Variants in NAV3 observed in about 807,000 individuals in gnomAD.
NAV3 encodes neuron navigator 3, also known as pore membrane and/or filament interacting like protein 1.
NAV3 carries 87 observed loss-of-function variants against 244.7 expected under a neutral mutation model. The observed-to-expected ratio is 0.36, with a 90% CI of 0.30 to 0.42. NAV3 has a LOEUF of 0.42. Ranked by LOEUF, NAV3 falls within the 20% of genes least tolerant of loss-of-function variation. The pLI, the probability that NAV3 is intolerant of heterozygous loss-of-function variation, is 1.00. For missense variants in NAV3, 2,663 were observed against 2,893.3 expected (o/e 0.92, Z 1.83); for synonymous variants, 1,126 against 1,042.2 (o/e 1.08, Z -1.55).
intron 5 of NAV3, among the ~76,000 whole-genome samples, chr12:77,973,992 C>T: frequency 6.6e-6 from 1 of 151,940 alleles, no homozygotes; most frequent in East Asian, 1.9e-4. Context: ...AGAAGTTATT[C>T]TTAACTGACT....
intron 24 of NAV3, 128 bp downstream of exon 24, chr12:78,168,994 TGTATTAATACATACTAGTA>T (rs1239527727): frequency 3.5e-6 from 2 of 572,626 alleles, no homozygotes; most frequent in South Asian, 2.6e-5. Flanking sequence ...TATTAATAGT[TGTATTAATACATACTAGTA>T]GTATTAATAC....
intron 38 of NAV3, 58 bp downstream of exon 38, chr12:78,200,649 A>T (rs1454467279): frequency 1.3e-5 from 14 of 1,049,734 alleles, no homozygotes; most frequent in Non-Finnish European, 1.9e-5. Flanking sequence ...AAAAAAAATT[A>T]CTTTAAAAGC....
chr12:78,200,619 T>C, intron 38 of NAV3, 28 bp downstream of exon 38: 1 of 1,269,622 alleles, frequency 7.9e-7, no homozygotes, highest in Non-Finnish European at 1.1e-6. Flanking sequence ...CATTGCTATT[T>C]TTTTTTAAAA....
chr12:77,856,824 A>G (rs943906671), intron 1 of NAV3, among the ~76,000 whole-genome samples: 1 of 152,110 alleles, frequency 6.6e-6, no homozygotes, highest in Non-Finnish European at 1.5e-5. Context: ...TAAAATTTGA[A>G]TGGTTTCAAT....
At chr12:77,772,705 G>A (rs545159540) in intron 2 of NAV3, among the ~76,000 whole-genome samples, 3 of 152,246 alleles carry the variant, frequency 2.0e-5, no homozygotes, top group East Asian at 1.9e-4. Context: ...ATGGTCACAC[G>A]AGAACCTGTT....
intron 1 of NAV3, among the ~76,000 whole-genome samples, chr12:77,931,841 TG>T (rs1888834397): frequency 1.3e-5 from 2 of 152,038 alleles, no homozygotes; most frequent in Admixed American, 1.3e-4. Context: ...CACGCCAGCC[TG>T]GGTGACAGAG....
intron 2 of NAV3, among the ~76,000 whole-genome samples, chr12:77,808,410 A>T (rs574655296): frequency 1.1e-3 from 162 of 152,020 alleles, no homozygotes; most frequent in Non-Finnish European, 2.0e-3. Context: ...TCTGTTTGTT[A>T]GTTTTCCTGC....
rs182834311 is a variant in NAV3, at chr12:77,725,364, G to A, written c.72+153098G>A. Among the ~76,000 whole-genome samples, 400 of 152,006 alleles carry A rather than the reference G, an allele frequency of 2.6e-3. 1 individual carries two copies. The highest frequency in any genetic ancestry group is 8.7e-3 in the African/African-American group (360 of 41,520). ...CTTTTGTAATATTCATATAACTGAC[G>A]AAAATGTGTTCATTTATCATTTCAG... On this transcript the variant is annotated intron_variant, in intron 2 of 8. Coordinates refer to the NAV3 transcript ENST00000550042.
At chr12:77,685,869 C>A (rs1333918866) in intron 2 of NAV3, among the ~76,000 whole-genome samples, 1 of 152,182 alleles carries the variant, frequency 6.6e-6, no homozygotes. Flanking sequence ...CCTCACTATG[C>A]CGTTGCCATT....
chr12:77,630,410 A>G (rs1266898890), intron 2 of NAV3, among the ~76,000 whole-genome samples: 2 of 152,200 alleles, frequency 1.3e-5, no homozygotes, highest in Non-Finnish European at 2.9e-5. Context: ...CAAGGATTTC[A>G]ACTGAAAACT....
intron 1 of NAV3, among the ~76,000 whole-genome samples, chr12:77,854,113 T>A (rs528419770): frequency 2.0e-5 from 3 of 152,324 alleles, no homozygotes; most frequent in African/African-American, 7.2e-5. Flanking sequence ...AATATGAATT[T>A]CAGATGCCTT....
At chr12:77,579,570 A>G (rs1371833586) in intron 2 of NAV3, among the ~76,000 whole-genome samples, 1 of 152,170 alleles carries the variant, frequency 6.6e-6, no homozygotes, top group African/African-American at 2.4e-5. Flanking sequence ...ATGAGGGTGG[A>G]GCCCTCAGTA....
intron 2 of NAV3, among the ~76,000 whole-genome samples, chr12:77,617,383 T>C (rs911677937): frequency 3.3e-5 from 5 of 152,144 alleles, no homozygotes; most frequent in Non-Finnish European, 7.4e-5. Context: ...ATAAAACTCA[T>C]TGAGGCCCCT....
chr12:77,581,642 G>A (rs1239480011), intron 2 of NAV3, among the ~76,000 whole-genome samples: 2 of 152,136 alleles, frequency 1.3e-5, no homozygotes, highest in Non-Finnish European at 2.9e-5. Context: ...GCCAGGTTTT[G>A]TTAAGTAATT....
chr12:77,924,059 C>CA (rs1404790195), intron 1 of NAV3, among the ~76,000 whole-genome samples: 2 of 152,132 alleles, frequency 1.3e-5, no homozygotes, highest in African/African-American at 4.8e-5. Context: ...GCTGCTCTAA[C>CA]AAACTCCTGA....
chr12:77,676,890 G>A (rs796259829), intron 2 of NAV3, among the ~76,000 whole-genome samples: 4 of 152,214 alleles, frequency 2.6e-5, no homozygotes, highest in African/African-American at 9.6e-5. Context: ...GTAAGGGTGA[G>A]GTGTATGAGG....
At chr12:78,034,042 C>T (rs1228353492) in intron 9 of NAV3, among the ~76,000 whole-genome samples, 2 of 152,190 alleles carry the variant, frequency 1.3e-5, no homozygotes, top group African/African-American at 4.8e-5. Context: ...CAGCAAAATA[C>T]ATCTTTGTAT....
rs187051280 is a variant in NAV3, at chr12:78,199,855, T to C, written c.6715+324T>C. Among the ~76,000 whole-genome samples, 606 of 152,036 alleles carry C rather than the reference T, an allele frequency of 4.0e-3. 6 individuals are homozygous for C. The highest frequency in any genetic ancestry group is 0.013 in the African/African-American group (533 of 41,398). ...TATGCTAAAAACAAATTTGGCTAAATAGCTCATGTCAAATAAAGTTGTGAG... is the reference window on the plus strand; with the variant it reads ...TATGCTAAAAACAAATTTGGCTAAACAGCTCATGTCAAATAAAGTTGTGAG... On this transcript the variant is annotated intron_variant, in intron 37 of 39. Transcript: ENST00000397909.
chr12:78,167,324 C>G (rs566093046), intron 23 of NAV3, among the ~76,000 whole-genome samples: 1 of 151,452 alleles, frequency 6.6e-6, no homozygotes, highest in Non-Finnish European at 1.5e-5. Context: ...TAAATTTAGG[C>G]GGTTACTGTT....
Sources: allele counts gnomAD v4.1 joint callset (sites outside exome capture counted in the v4.1 genomes callset), GRCh38; gene constraint gnomAD v4.1.1; transcripts MANE v1.5; gene names NCBI Gene and HGNC (gene_info 2026-07-23, HGNC 2026-07-21).